Variants in COLGALT2 observed in about 807,000 individuals in gnomAD.
COLGALT2 encodes the protein collagen beta(1-O)galactosyltransferase 2, also known as procollagen galactosyltransferase 2.
In COLGALT2, 49 loss-of-function variants were observed where a neutral mutation model predicts 73.4. The observed-to-expected ratio is 0.67, with a 90% CI of 0.53 to 0.85. The LOEUF (loss-of-function observed/expected upper bound fraction) is 0.85, where lower values mean the gene tolerates loss of function less well. Among genes scored for constraint, COLGALT2 ranks in the 40% least tolerant of loss-of-function variants. COLGALT2 has a pLI of 0.00. For synonymous variants in COLGALT2, 295 were observed against 307.6 expected, an observed-to-expected ratio of 0.96 and a Z score of 0.43; for missense variants, 722 against 790.2, an observed-to-expected ratio of 0.91 and a Z score of 1.03.
At chr1:184,020,318 G>C (rs1311945157) in intron 1 of COLGALT2, among the ~76,000 whole-genome samples, 6 of 152,120 alleles carry the variant, frequency 3.9e-5, no homozygotes, top group Non-Finnish European at 5.9e-5. Flanking sequence ...GGTAGATGTT[G>C]AATAATATAG....
intron 1 of COLGALT2, among the ~76,000 whole-genome samples, chr1:184,004,882 G>A (rs1304626803): frequency 6.6e-6 from 1 of 152,138 alleles, no homozygotes; most frequent in Admixed American, 6.5e-5. Flanking sequence ...CTTCCCTCGA[G>A]GGATCGGTGG....
chr1:183,996,430 C>G (rs757380410), intron 1 of COLGALT2, among the ~76,000 whole-genome samples: 2 of 152,288 alleles, frequency 1.3e-5, no homozygotes, highest in Non-Finnish European at 2.9e-5. Context: ...AAACTCAGGA[C>G]TGATAAGACA....
rs982604454 is a variant in COLGALT2 at position 184,037,492 on chromosome 1, G to A, written c.-135C>T. ...GGATGCGGCTTGCCGCGGCCGGCCG[G>A]CTCACACACTGGCCTCGGCGGCTGC... On this transcript the variant is annotated 5_prime_UTR_variant, in exon 1 of 12. Transcript: ENST00000361927. 109 of 1,175,800 alleles carry A rather than the reference G, an allele frequency of 9.3e-5. No homozygotes were observed. Among genetic ancestry groups the A allele is most frequent in the Non-Finnish European group, 1.1e-4 (104 of 953,470 alleles). 72.8% of individuals were successfully genotyped at this position (1,175,800 alleles called of 1,614,324 possible).
intron 5 of COLGALT2, among the ~76,000 whole-genome samples, chr1:183,966,014 G>C (rs1444668271): frequency 6.6e-6 from 1 of 152,210 alleles, no homozygotes; most frequent in Admixed American, 6.5e-5. Flanking sequence ...GGTGAAGCCA[G>C]AAAATCAAGA....
At chr1:184,014,885 T>C (rs889176645) in intron 1 of COLGALT2, among the ~76,000 whole-genome samples, 15 of 152,102 alleles carry the variant, frequency 9.9e-5, no homozygotes, top group Middle Eastern at 3.2e-3. Context: ...AAAATGTCCA[T>C]GGAAATGATG....
intron 3 of COLGALT2, 36 bp from the exon 4 acceptor site, chr1:183,973,786 T>C: frequency 6.3e-7 from 1 of 1,594,982 alleles, no homozygotes; most frequent in East Asian, 2.2e-5. Flanking sequence ...GGTGAAAAGG[T>C]ACTTTTCAGT....
chr1:183,945,452 G>GT lies in COLGALT2; in HGVS notation c.1248_1249insA (p.His417ThrfsTer10). 1 of 1,614,174 alleles carries GT rather than the reference G, an allele frequency of 6.2e-7. No homozygotes were observed. The highest frequency in any genetic ancestry group is 8.5e-7 in the Non-Finnish European group (1 of 1,180,024). ...TTTACCTCTTTCCAGACTGAGTAGTGGCTGAGAAAGCAGCCGATTTCACCC... is the reference window on the plus strand; with the variant it reads ...TTTACCTCTTTCCAGACTGAGTAGTGTGCTGAGAAAGCAGCCGATTTCACCC... On this transcript the variant is annotated frameshift_variant, in exon 9 of 12. Transcript: ENST00000361927. LOFTEE classifies it high-confidence loss of function.
chr1:183,940,591 T>C lies in COLGALT2; in HGVS notation c.1594A>G (p.Lys532Glu). ...VDEFLPVMYN[K>E]HPVAEYKEYY... is the part of the protein sequence containing the mutation. ...TTCAGGGAGACTCACACGGGATGCT[T>C]GTTGTACATGACTGGCAGAAACTCA... Residue 532 changes from lysine to glutamate, a missense_variant, in exon 11 of 12, where the codon AAG becomes GAG. Lys to Glu is a moderately conservative substitution (Grantham distance 56, BLOSUM62 1). Transcript: ENST00000361927. 1 of 1,614,178 alleles carries C rather than the reference T, an allele frequency of 6.2e-7. No individual in the cohort carries two copies. The highest frequency in any genetic ancestry group is 8.5e-7 in the Non-Finnish European group (1 of 1,180,014).
intron 1 of COLGALT2, among the ~76,000 whole-genome samples, chr1:184,007,622 C>T (rs1672120689): frequency 1.3e-5 from 2 of 152,070 alleles, no homozygotes; most frequent in South Asian, 4.2e-4. Context: ...CTAATATGTT[C>T]CTTCCTCCTT....
At chr1:183,990,285 A>G (rs887520437) in intron 1 of COLGALT2, among the ~76,000 whole-genome samples, 2 of 152,174 alleles carry the variant, frequency 1.3e-5, no homozygotes, top group African/African-American at 4.8e-5. Context: ...TATGTGCTCA[A>G]TAAATATTTG....
Position 183,937,522 on chromosome 1 carries a change from G to T in COLGALT2, c.*1239C>A. 8.1e-6 allele frequency: 8 copies of T among 985,400 alleles called. No homozygotes were observed. Among genetic ancestry groups the T allele is most frequent in the Non-Finnish European group, 8.4e-6 (7 of 829,958 alleles). 61.0% of individuals were successfully genotyped at this position (985,400 alleles called of 1,614,324 possible). On this transcript the variant is annotated 3_prime_UTR_variant, in exon 12 of 12. Coordinates refer to ENST00000361927, the MANE Select transcript of COLGALT2 (RefSeq NM_015101.4). ...CTTCCCTGGTTGCTGGCCTAAATCA[G>T]GTGACCAGCCCTTTGTTTCTGACCA...
At chr1:183,933,024 A>G (rs1318568678), downstream of COLGALT2, among the ~76,000 whole-genome samples, 1 of 152,130 alleles carries the variant, frequency 6.6e-6, no homozygotes, top group Non-Finnish European at 1.5e-5. Context: ...CTCTTCCCCA[A>G]GCATTGGGGG....
At chr1:183,959,515 A>G (rs763187386) in intron 6 of COLGALT2, among the ~76,000 whole-genome samples, 1 of 152,278 alleles carries the variant, frequency 6.6e-6, no homozygotes, top group Admixed American at 6.5e-5. Flanking sequence ...CATGGACTGC[A>G]TTCAGGTCTC....
chr1:184,000,936 T>A lies in COLGALT2; in HGVS notation c.264-22416A>T, dbSNP rs1221023842. On this transcript the variant is annotated intron_variant, in intron 1 of 11. Coordinates refer to ENST00000361927, the MANE Select transcript of COLGALT2 (RefSeq NM_015101.4). ...GCTCTGCCTCCCGGGTTCACGCCAT[T>A]CTCCTGCCTCAGCCTCCCGAGTATC... 1.3e-5 allele frequency among the ~76,000 whole-genome samples: 2 copies of A among 151,720 alleles called. 1 individual carries two copies. The highest frequency in any genetic ancestry group is 4.2e-4 in the South Asian group (2 of 4,770).
chr1:183,973,306 T>C (rs1479962900), intron 4 of COLGALT2, among the ~76,000 whole-genome samples: 2 of 152,196 alleles, frequency 1.3e-5, no homozygotes, highest in Non-Finnish European at 2.9e-5. Context: ...AGTGTTCTTA[T>C]GTTAGTTTTG....
intron 8 of COLGALT2, among the ~76,000 whole-genome samples, chr1:183,948,772 A>G (rs893326792): frequency 1.3e-5 from 2 of 152,236 alleles, no homozygotes; most frequent in African/African-American, 2.4e-5. Flanking sequence ...AAAGGAACAT[A>G]TAACACTATC....
rs1240814675 is a variant in COLGALT2, at chr1:184,004,135, AAATAGT to A, written c.264-25621_264-25616del. Among the ~76,000 whole-genome samples, 5 of 152,280 alleles carry A rather than the reference AAATAGT, an allele frequency of 3.3e-5. No homozygotes were observed. In the East Asian group the frequency reaches 9.6e-4, roughly 29 times the overall value. On this transcript the variant is annotated intron_variant, in intron 1 of 11. Coordinates refer to ENST00000361927, the MANE Select transcript of COLGALT2 (RefSeq NM_015101.4). ...ATATAACCTTCACTTCACATCTTCC[AAATAGT>A]AAGCTAGCTACGGTCTTAAAATCCA...
intron 1 of COLGALT2, among the ~76,000 whole-genome samples, chr1:184,025,962 A>G (rs1268056132): frequency 1.3e-5 from 2 of 152,232 alleles, no homozygotes; most frequent in Admixed American, 6.5e-5. Context: ...GCAAGACTGC[A>G]TATTACCACC....
Position 183,951,123 on chromosome 1 carries a change from G to GA in COLGALT2, c.1030-11dup. The GA allele has an allele frequency of 6.3e-7, 1 of 1,591,786 alleles. No homozygotes were observed. The highest frequency in any genetic ancestry group is 1.3e-5 in the African/African-American group (1 of 74,582). Reference sequence around the variant, plus strand: ...GGTTTATCATGAAAATCTAATGCAAGAAGGAAAAGGGAAAAGACACATAAA... The same window carrying GA: ...GGTTTATCATGAAAATCTAATGCAAGAAAGGAAAAGGGAAAAGACACATAAA... On this transcript the variant is annotated splice_polypyrimidine_tract_variant and intron_variant, in intron 7 of 11. Coordinates refer to ENST00000361927, the MANE Select transcript of COLGALT2 (RefSeq NM_015101.4).
Sources: gnomAD v4.1 joint callset for allele counts (sites outside exome capture counted in the v4.1 genomes callset) on GRCh38, gnomAD v4.1.1 for gene constraint, MANE v1.5 for transcripts, NCBI Gene and HGNC (gene_info 2026-07-23, HGNC 2026-07-21) for gene names.